Variants in GALNT13 observed in about 807,000 individuals in gnomAD.
GALNT13 encodes the protein polypeptide N-acetylgalactosaminyltransferase 13.
A neutral mutation model predicts 64.2 loss-of-function variants in GALNT13; 28 were observed. The ratio of observed to expected loss-of-function variants is 0.44; its 90% CI spans 0.32 to 0.60. GALNT13 has a LOEUF of 0.60. Ranked by LOEUF, GALNT13 falls within the 20% of genes least tolerant of loss-of-function variation. GALNT13 has a pLI of 0.05. For missense variants in GALNT13, 577 were observed against 669.8 expected (o/e 0.86, Z 1.53); for synonymous variants, 214 against 224.6 (o/e 0.95, Z 0.42).
the GALNT13 span, among the ~76,000 whole-genome samples, chr2:153,654,943 A>G: frequency 6.6e-6 from 1 of 152,102 alleles, no homozygotes; most frequent in African/African-American, 2.4e-5. Context: ...TGTCAGACAG[A>G]TCTTGCTGTT....
intron 4 of GALNT13, among the ~76,000 whole-genome samples, chr2:154,148,340 G>A (rs1031221592): frequency 1.3e-5 from 2 of 151,980 alleles, no homozygotes; most frequent in Admixed American, 1.3e-4. Flanking sequence ...GGACATTTGG[G>A]TTGGTTCCAA....
chr2:153,364,423 T>C, the GALNT13 span, among the ~76,000 whole-genome samples: 2 of 151,514 alleles, frequency 1.3e-5, no homozygotes. Flanking sequence ...AGAATTCAGA[T>C]AGAAAAAAAG....
chr2:153,204,384 A>G, the GALNT13 span, among the ~76,000 whole-genome samples: 1 of 152,196 alleles, frequency 6.6e-6, no homozygotes, highest in Non-Finnish European at 1.5e-5. Context: ...GTTTCACAGA[A>G]GAGAGGCTTG....
chr2:154,371,150 G>C (rs1697663967), intron 9 of GALNT13, among the ~76,000 whole-genome samples: 1 of 152,076 alleles, frequency 6.6e-6, no homozygotes, highest in Non-Finnish European at 1.5e-5. Context: ...GGTGTTGATA[G>C]AAGCCACCTA....
the GALNT13 span, among the ~76,000 whole-genome samples, chr2:153,294,535 G>C: frequency 6.6e-6 from 1 of 152,090 alleles, no homozygotes; most frequent in African/African-American, 2.4e-5. Context: ...TTATTTCCAA[G>C]GGGTTGTGCA....
At chr2:153,084,606 A>G in the GALNT13 span, among the ~76,000 whole-genome samples, 1 of 152,118 alleles carries the variant, frequency 6.6e-6, no homozygotes, top group African/African-American at 2.4e-5. Context: ...GTGATAGTGA[A>G]TAAGTCTCAT....
At chr2:153,156,489 GA>G in the GALNT13 span, among the ~76,000 whole-genome samples, 1 of 152,130 alleles carries the variant, frequency 6.6e-6, no homozygotes, top group Non-Finnish European at 1.5e-5. Context: ...TGAGTTAGGA[GA>G]AAGAGAAACT....
intron 8 of GALNT13, among the ~76,000 whole-genome samples, chr2:154,269,205 A>G (rs1051468768): frequency 2.0e-5 from 3 of 152,118 alleles, no homozygotes; most frequent in African/African-American, 7.2e-5. Flanking sequence ...GGCTTATAGT[A>G]TCCAGACTTT....
chr2:154,050,928 G>A (rs114309740), intron 3 of GALNT13, among the ~76,000 whole-genome samples: 1,807 of 152,244 alleles, frequency 0.012, 30 homozygotes, highest in African/African-American at 0.04. Flanking sequence ...CCAAAGCTGA[G>A]TAGTTTATGT....
At chr2:153,080,665 T>C in the GALNT13 span, among the ~76,000 whole-genome samples, 1 of 152,120 alleles carries the variant, frequency 6.6e-6, no homozygotes, top group African/African-American at 2.4e-5. Context: ...TTTTCTATAG[T>C]CTTACAATTT....
chr2:153,898,575 A>G (rs1688028165), intron 1 of GALNT13, among the ~76,000 whole-genome samples: 1 of 152,082 alleles, frequency 6.6e-6, no homozygotes, highest in African/African-American at 2.4e-5. Flanking sequence ...GGTAAATGTA[A>G]AATTATTATA....
the GALNT13 span, among the ~76,000 whole-genome samples, chr2:153,775,794 C>T: frequency 2.6e-5 from 4 of 152,106 alleles, no homozygotes; most frequent in Non-Finnish European, 2.9e-5. Context: ...GGACACAATG[C>T]AACACACTGA....
chr2:154,437,021 T>C (rs1701009855), intron 11 of GALNT13: 1 of 152,208 alleles, frequency 6.6e-6, no homozygotes, highest in South Asian at 2.1e-4. Context: ...GCCTCCCAAG[T>C]AGTGGGGACA....
chr2:153,216,573 A>T, the GALNT13 span, among the ~76,000 whole-genome samples: 3 of 152,120 alleles, frequency 2.0e-5, 1 homozygote, highest in African/African-American at 7.2e-5. Flanking sequence ...ATGATGTTGG[A>T]CATATTTTCA....
chr2:154,071,181 G>A (rs923033482), intron 3 of GALNT13, among the ~76,000 whole-genome samples: 1 of 152,136 alleles, frequency 6.6e-6, no homozygotes, highest in African/African-American at 2.4e-5. Context: ...GCAAGTTAGT[G>A]CTTTCTCTTT....
intron 2 of GALNT13, among the ~76,000 whole-genome samples, chr2:153,931,829 T>A (rs1303841): frequency 0.78 from 118,928 of 151,920 alleles, 47,043 homozygotes; most frequent in East Asian, 0.96. Flanking sequence ...TTCTCTTTTC[T>A]TTGTGTTTGT....
At chr2:153,907,647 C>G (rs1278248129) in intron 2 of GALNT13, among the ~76,000 whole-genome samples, 1 of 151,900 alleles carries the variant, frequency 6.6e-6, no homozygotes, top group African/African-American at 2.4e-5. Context: ...CAAATGAGAA[C>G]ATGTGGTATT....
chr2:154,023,372 G>A (rs1697683653), intron 3 of GALNT13, among the ~76,000 whole-genome samples: 1 of 152,192 alleles, frequency 6.6e-6, no homozygotes, highest in Admixed American at 6.5e-5. Flanking sequence ...GAATCTGGGT[G>A]CTCCTGTATT....
the GALNT13 span, among the ~76,000 whole-genome samples, chr2:153,689,269 T>G: frequency 6.6e-6 from 1 of 152,040 alleles, no homozygotes; most frequent in Non-Finnish European, 1.5e-5. Flanking sequence ...AATATGGATT[T>G]AATTTGTATT....
Sources: gnomAD v4.1 joint callset for allele counts (sites outside exome capture counted in the v4.1 genomes callset) on GRCh38, gnomAD v4.1.1 for gene constraint, MANE v1.5 for transcripts, NCBI Gene and HGNC (gene_info 2026-07-23, HGNC 2026-07-21) for gene names.